The following MACROD2 variants were observed in gnomAD, a reference collection of about 807,000 sequenced individuals.
The protein encoded by MACROD2 is mono-ADP ribosylhydrolase 2, also known as ADP-ribose glycohydrolase MACROD2.
A neutral mutation model predicts 70.4 loss-of-function variants in MACROD2; 36 were observed. That is an observed-to-expected ratio of 0.51 (90% CI 0.39 to 0.68). The LOEUF (loss-of-function observed/expected upper bound fraction) is 0.68. MACROD2 is among the 30% of genes least tolerant of loss of function. MACROD2 has a pLI of 0.00. For missense variants in MACROD2, 496 were observed against 538.4 expected (o/e 0.92, Z 0.78); for synonymous variants, 172 against 178.8 (o/e 0.96, Z 0.30).
chr20:15,992,456 A>T (rs1047553777), intron 15 of MACROD2, among the ~76,000 whole-genome samples: 4 of 151,954 alleles, frequency 2.6e-5, no homozygotes. Context: ...TCTAGTTCTC[A>T]CTATGGCTCC....
chr20:15,800,926 A>G (rs2063718756), intron 8 of MACROD2, among the ~76,000 whole-genome samples: 2 of 151,586 alleles, frequency 1.3e-5, no homozygotes, highest in Non-Finnish European at 2.9e-5. Context: ...TGCTGTGTCC[A>G]CTCAGGGTTG....
intron 5 of MACROD2, chr20:14,849,796 A>G (rs543799809): frequency 1.0e-5 from 3 of 300,628 alleles, no homozygotes; most frequent in Admixed American, 4.8e-5. Flanking sequence ...AAATACATAG[A>G]TAAGTAGTAA....
At chr20:15,357,508 A>T (rs1037422515) in intron 6 of MACROD2, among the ~76,000 whole-genome samples, 1 of 152,122 alleles carries the variant, frequency 6.6e-6, no homozygotes, top group Non-Finnish European at 1.5e-5. Flanking sequence ...TCTATGAGAT[A>T]TTAACAGTAT....
intron 3 of MACROD2, among the ~76,000 whole-genome samples, chr20:14,299,433 A>G (rs545423123): frequency 6.6e-6 from 1 of 152,290 alleles, no homozygotes; most frequent in Non-Finnish European, 1.5e-5. Context: ...TTATTGGCAT[A>G]TTCTCTTTAT....
At chr20:14,145,436 C>G (rs975743064) in intron 3 of MACROD2, among the ~76,000 whole-genome samples, 6 of 152,052 alleles carry the variant, frequency 3.9e-5, no homozygotes, top group Non-Finnish European at 7.4e-5. Flanking sequence ...GTTTATTTTT[C>G]ATAGATTTCT....
At chr20:15,873,544 C>G (rs1441160568) in intron 9 of MACROD2, among the ~76,000 whole-genome samples, 2 of 152,088 alleles carry the variant, frequency 1.3e-5, no homozygotes, top group Non-Finnish European at 2.9e-5. Context: ...TTTATAAGAA[C>G]TCTTTGTATA....
chr20:15,658,248 A>C (rs1238339202), intron 8 of MACROD2, among the ~76,000 whole-genome samples: 2 of 147,370 alleles, frequency 1.4e-5, no homozygotes, highest in Non-Finnish European at 3.0e-5. Context: ...TTTAACTTGA[A>C]TATCAAGCTC....
chr20:15,869,232 TATATATAGAG>T (rs1176777275), intron 9 of MACROD2, among the ~76,000 whole-genome samples: 251 of 33,102 alleles, frequency 7.6e-3, no homozygotes, highest in African/African-American at 0.015. Context: ...TATATATATA[TATATATAGAG>T]AGAGAGAGAG....
At chr20:16,020,991 C>T (rs1165369266) in intron 15 of MACROD2, among the ~76,000 whole-genome samples, 1 of 152,150 alleles carries the variant, frequency 6.6e-6, no homozygotes, top group Non-Finnish European at 1.5e-5. Flanking sequence ...CTTCCTGGTG[C>T]TGGCGGGTCA....
intron 4 of MACROD2, among the ~76,000 whole-genome samples, chr20:14,637,246 ACTCTACTGGTATATGTGTCTCCAGCT>A (rs932874137): frequency 1.3e-5 from 2 of 152,056 alleles, no homozygotes; most frequent in African/African-American, 4.8e-5. Flanking sequence ...CTAACAGTTG[ACTCTACTGGTATATGTGTCTCCAGCT>A]TTAAGAAGAA....
intron 13 of MACROD2, among the ~76,000 whole-genome samples, chr20:15,975,268 C>T (rs973313250): frequency 6.6e-6 from 1 of 151,996 alleles, no homozygotes; most frequent in African/African-American, 2.4e-5. Context: ...GGTTTCCAAA[C>T]ACGCTCGCAT....
chr20:14,705,311 G>A (rs369242903), intron 5 of MACROD2, among the ~76,000 whole-genome samples: 195 of 151,786 alleles, frequency 1.3e-3, no homozygotes, highest in African/African-American at 4.3e-3. Context: ...AATATAAACC[G>A]CCAAGAGCCA....
chr20:15,418,722 G>A (rs935918706), intron 6 of MACROD2, among the ~76,000 whole-genome samples: 9 of 152,312 alleles, frequency 5.9e-5, no homozygotes, highest in Non-Finnish European at 1.3e-4. Flanking sequence ...CACTGGACAC[G>A]TGAAAGACAG....
intron 7 of MACROD2, among the ~76,000 whole-genome samples, chr20:15,438,426 G>T (rs959719892): frequency 5.9e-5 from 9 of 152,146 alleles, no homozygotes; most frequent in African/African-American, 2.2e-4. Flanking sequence ...TTTGTCTAAT[G>T]ATAAGTGCAT....
At chr20:15,957,446 CT>C (rs1379621039) in intron 12 of MACROD2, among the ~76,000 whole-genome samples, 2 of 152,174 alleles carry the variant, frequency 1.3e-5, no homozygotes, top group African/African-American at 2.4e-5. Flanking sequence ...AAGTGACCCA[CT>C]TCATACGTCT....
At position 14,319,569 on chromosome 20, in the gene MACROD2, C is replaced by T. The variant is rs77299757; in HGVS notation, c.272-173910C>T. ...TTCTGTTTTCTTTATCTCCCATTAT[C>T]CTGTCAGCACCCTAGAGGCTTTTCC... On this transcript the variant is annotated intron_variant, in intron 3 of 17. Transcript: ENST00000684519. Among the ~76,000 whole-genome samples the T allele has an allele frequency of 9.0e-3, 1,374 of 152,220 alleles. 19 individuals carry two copies. The highest frequency in any genetic ancestry group is 0.031 in the African/African-American group (1,306 of 41,534).
At chr20:15,725,183 A>G (rs928650790) in intron 8 of MACROD2, among the ~76,000 whole-genome samples, 2 of 152,220 alleles carry the variant, frequency 1.3e-5, no homozygotes, top group South Asian at 2.1e-4. Flanking sequence ...CAAGTTGGGA[A>G]GAACTGACAT....
chr20:15,742,705 CTT>C (rs2051123035), intron 8 of MACROD2, among the ~76,000 whole-genome samples: 2 of 152,212 alleles, frequency 1.3e-5, no homozygotes, highest in African/African-American at 4.8e-5. Context: ...TAAAATAACT[CTT>C]CAGTTTGAAT....
At chr20:14,973,369 C>T (rs879491556) in intron 5 of MACROD2, among the ~76,000 whole-genome samples, 2 of 151,454 alleles carry the variant, frequency 1.3e-5, no homozygotes, top group African/African-American at 2.4e-5. Context: ...ACTGCAGGAG[C>T]GTGCCTCCAC....
Sources: gnomAD v4.1 joint callset for allele counts (sites outside exome capture counted in the v4.1 genomes callset) on GRCh38, gnomAD v4.1.1 for gene constraint, MANE v1.5 for transcripts, NCBI Gene and HGNC (gene_info 2026-07-23, HGNC 2026-07-21) for gene names.